Variants in ENOX1 observed in about 807,000 individuals in gnomAD.
ENOX1 encodes candidate growth-related and time keeping constitutive hydroquinone (NADH) oxidase.
Under a neutral mutation model 82.5 loss-of-function variants are expected in ENOX1, and 42 were observed. That is an observed-to-expected ratio of 0.51 (90% CI 0.40 to 0.66). ENOX1 has a LOEUF of 0.66. Among genes scored for constraint, ENOX1 ranks in the 30% least tolerant of loss-of-function variants. The pLI is 0.00. For missense variants in ENOX1, 608 were observed against 811.6 expected (o/e 0.75, Z 3.05); for synonymous variants, 271 against 282.2 (o/e 0.96, Z 0.40).
At chr13:43,346,842 C>T (rs763150130) in intron 8 of ENOX1, among the ~76,000 whole-genome samples, 6 of 149,046 alleles carry the variant, frequency 4.0e-5, no homozygotes, top group Non-Finnish European at 8.9e-5. Context: ...GAACAGACAG[C>T]AGAAATAAAC....
chr13:43,354,665 T>C (rs957629769), intron 8 of ENOX1, among the ~76,000 whole-genome samples: 3 of 152,186 alleles, frequency 2.0e-5, no homozygotes, highest in African/African-American at 7.2e-5. Flanking sequence ...TGTTAATGGC[T>C]TCTCCACTGT....
At chr13:43,373,336 C>T (rs1223776607) in intron 5 of ENOX1, among the ~76,000 whole-genome samples, 2 of 152,044 alleles carry the variant, frequency 1.3e-5, no homozygotes, top group South Asian at 2.1e-4. Flanking sequence ...AAATCAGAAA[C>T]CTCCTCTTTC....
At chr13:43,714,427 G>A (rs2087962670) in intron 1 of ENOX1, among the ~76,000 whole-genome samples, 1 of 152,118 alleles carries the variant, frequency 6.6e-6, no homozygotes, top group Non-Finnish European at 1.5e-5. Flanking sequence ...ATGTCTATTA[G>A]GTCCGCTTGC....
chr13:43,506,345 G>C (rs1316551190), intron 2 of ENOX1, among the ~76,000 whole-genome samples: 1 of 150,528 alleles, frequency 6.6e-6, no homozygotes, highest in Non-Finnish European at 1.5e-5. Context: ...AACAGGTGCT[G>C]GAGAGGATGT....
intron 5 of ENOX1, among the ~76,000 whole-genome samples, chr13:43,384,434 C>A (rs906889380): frequency 1.3e-5 from 2 of 152,164 alleles, no homozygotes; most frequent in Non-Finnish European, 2.9e-5. Flanking sequence ...CTACACACTG[C>A]AGTGTGTAAA....
intron 14 of ENOX1, among the ~76,000 whole-genome samples, chr13:43,258,425 C>T (rs2043870692): frequency 6.6e-6 from 1 of 151,970 alleles, no homozygotes; most frequent in Admixed American, 6.6e-5. Flanking sequence ...TGCATAGGGG[C>T]AGGGGTTGTA....
chr13:43,487,921 C>T (rs966216739), intron 2 of ENOX1, among the ~76,000 whole-genome samples: 5 of 152,122 alleles, frequency 3.3e-5, no homozygotes, highest in Non-Finnish European at 5.9e-5. Context: ...TCTTATTTCC[C>T]GCATATTCGG....
chr13:43,542,681 C>A (rs2153695082), intron 2 of ENOX1, among the ~76,000 whole-genome samples: 1 of 152,196 alleles, frequency 6.6e-6, no homozygotes, highest in Admixed American at 6.5e-5. Flanking sequence ...GGCAATCTGC[C>A]TGCCTCAGCC....
chr13:43,725,948 C>G (rs1212083908), intron 1 of ENOX1, among the ~76,000 whole-genome samples: 1 of 150,912 alleles, frequency 6.6e-6, no homozygotes, highest in Non-Finnish European at 1.5e-5. Flanking sequence ...GCCTGGACAA[C>G]AGAATAAGAC....
At chr13:43,398,450 A>C (rs897764438) in intron 5 of ENOX1, among the ~76,000 whole-genome samples, 1 of 152,106 alleles carries the variant, frequency 6.6e-6, no homozygotes, top group Non-Finnish European at 1.5e-5. Context: ...CATGGTTTAG[A>C]AGGTCTAAAA....
At chr13:43,709,419 GA>G (rs1343425263) in intron 1 of ENOX1, among the ~76,000 whole-genome samples, 11 of 152,116 alleles carry the variant, frequency 7.2e-5, no homozygotes, top group African/African-American at 2.4e-4. Flanking sequence ...AATCTTAAGA[GA>G]AATTATAATT....
At chr13:43,658,227 T>C (rs190886116) in intron 2 of ENOX1, among the ~76,000 whole-genome samples, 2 of 152,352 alleles carry the variant, frequency 1.3e-5, no homozygotes, top group East Asian at 1.9e-4. Flanking sequence ...ATTCTACAAA[T>C]GAATGTCTCC....
At chr13:43,526,041 T>A (rs1326583831) in intron 2 of ENOX1, among the ~76,000 whole-genome samples, 1 of 152,170 alleles carries the variant, frequency 6.6e-6, no homozygotes, top group Non-Finnish European at 1.5e-5. Flanking sequence ...ATGGTGCCTG[T>A]TGATTTGATC....
intron 2 of ENOX1, among the ~76,000 whole-genome samples, chr13:43,516,396 G>A (rs1443960477): frequency 6.6e-6 from 1 of 152,176 alleles, no homozygotes; most frequent in Non-Finnish European, 1.5e-5. Context: ...AAAAGGGAGT[G>A]TACACGTTAG....
At chr13:43,289,861 G>A (rs2045902971) in intron 12 of ENOX1, among the ~76,000 whole-genome samples, 2 of 151,996 alleles carry the variant, frequency 1.3e-5, no homozygotes, top group South Asian at 4.2e-4. Flanking sequence ...AATCTCTAGG[G>A]AACTTAAATC....
At chr13:43,453,866 T>C (rs916228814) in intron 3 of ENOX1, among the ~76,000 whole-genome samples, 1 of 152,164 alleles carries the variant, frequency 6.6e-6, no homozygotes, top group African/African-American at 2.4e-5. Context: ...ACAGGAAACA[T>C]GAAGTAGCTC....
At chr13:43,362,984 C>T (rs371995031) in intron 5 of ENOX1, among the ~76,000 whole-genome samples, 9 of 152,222 alleles carry the variant, frequency 5.9e-5, no homozygotes, top group African/African-American at 2.2e-4. Flanking sequence ...AAAGTAGTCA[C>T]CCTGACATTC....
chr13:43,474,107 G>A (rs758325202), intron 3 of ENOX1, among the ~76,000 whole-genome samples: 2 of 152,084 alleles, frequency 1.3e-5, no homozygotes, highest in African/African-American at 2.4e-5. Flanking sequence ...ATGGTGAAAG[G>A]CCAAACTGTT....
At chr13:43,317,775 G>C (rs748293598) in intron 11 of ENOX1, among the ~76,000 whole-genome samples, 1 of 152,068 alleles carries the variant, frequency 6.6e-6, no homozygotes, top group Non-Finnish European at 1.5e-5. Flanking sequence ...GGAGGCCGAG[G>C]TGAGCGGCTC....
Sources: gnomAD v4.1 joint callset for allele counts (sites outside exome capture counted in the v4.1 genomes callset) on GRCh38, gnomAD v4.1.1 for gene constraint, MANE v1.5 for transcripts, NCBI Gene and HGNC (gene_info 2026-07-23, HGNC 2026-07-21) for gene names.